The following ADIPOQ variants were observed in gnomAD, a reference collection of about 807,000 sequenced individuals.
The protein encoded by ADIPOQ is adiponectin.
A neutral mutation model predicts 16.1 loss-of-function variants in ADIPOQ; 19 were observed. The ratio of observed to expected loss-of-function variants is 1.18; its 90% CI spans 0.82 to 1.73. The LOEUF (loss-of-function observed/expected upper bound fraction) is 1.73, where lower values mean the gene tolerates loss of function less well. Among genes scored for constraint, ADIPOQ ranks in the 40% most tolerant of loss-of-function variants. The pLI is 0.00. For missense variants in ADIPOQ, 323 were observed against 308.3 expected, an observed-to-expected ratio of 1.05 and a Z score of -0.36; for synonymous variants, 124 against 125.5, an observed-to-expected ratio of 0.99 and a Z score of 0.08.
chr3:186,843,001 C>T lies in ADIPOQ; in HGVS notation c.-9+252C>T, dbSNP rs541051095. Among the ~76,000 whole-genome samples the T allele has an allele frequency of 2.3e-4, 35 of 152,278 alleles. 1 individual carries two copies. Among genetic ancestry groups the T allele is most frequent in the Middle Eastern group, 6.8e-3 (2 of 294 alleles). On this transcript the variant is annotated intron_variant, in intron 1 of 2. Coordinates refer to ENST00000320741, the MANE Select transcript of ADIPOQ (RefSeq NM_004797.4). The stretch of plus-strand genomic sequence containing the variant: ...GAACCATTCTGAATTTTGCCCAGTT[C>T]GCTCTGTAGCAGGATACCTATTGAG...
At position 186,853,189 on chromosome 3, in the gene ADIPOQ, C is replaced by T; in HGVS notation, c.131C>T (p.Pro44Leu). The change falls in exon 2 of 3, where the codon CCA becomes CTA. Residue 44 changes from proline (P) to leucine (L), a missense_variant. Physicochemically the swap from Pro to Leu is moderately conservative, Grantham distance 98. Transcript: ENST00000320741. ...TGCACAGGTTGGATGGCGGGCATCC[C>T]AGGGCATCCGGGCCATAATGGGGCC... ...GACTGWMAGIPGHPGHNGAPG... is the reference protein window; with the variant it reads ...GACTGWMAGILGHPGHNGAPG... The T allele has an allele frequency of 6.2e-7, 1 of 1,614,062 alleles. No homozygotes were observed. The highest frequency in any genetic ancestry group is 8.5e-7 in the Non-Finnish European group (1 of 1,179,976).
intron 1 of ADIPOQ, among the ~76,000 whole-genome samples, chr3:186,850,526 T>A (rs755449461): frequency 2.0e-5 from 3 of 152,104 alleles, no homozygotes; most frequent in Non-Finnish European, 4.4e-5. Flanking sequence ...TGGGAATCTG[T>A]CATAACAGAA....
intron 2 of ADIPOQ, 35 bp from the exon 3 acceptor site, chr3:186,854,149 T>C: frequency 6.2e-7 from 1 of 1,606,020 alleles, no homozygotes; most frequent in African/African-American, 1.3e-5. Context: ...AGGAGTTCTG[T>C]TCTTTGTAGT....
In ADIPOQ at chr3:186,853,204, A is replaced by G. The variant is rs1711852261; in HGVS notation, c.146A>G (p.His49Arg). ...GCGGGCATCCCAGGGCATCCGGGCC[A>G]TAATGGGGCCCCAGGCCGTGATGGC... Reference protein sequence around the residue: ...WMAGIPGHPGHNGAPGRDGRD... With the variant: ...WMAGIPGHPGRNGAPGRDGRD... The change falls in exon 2 of 3, where the codon CAT becomes CGT. Residue 49 changes from histidine (H) to arginine (R), a missense_variant. Transcript: ENST00000320741. 6.2e-7 allele frequency: 1 copy of G among 1,614,034 alleles called. No individual in the cohort carries two copies. The highest frequency in any genetic ancestry group is 8.5e-7 in the Non-Finnish European group (1 of 1,179,958).
At position 186,853,587 on chromosome 3, in the gene ADIPOQ, G is replaced by C. The variant is rs61038983; in HGVS notation, c.214+315G>C. Among the ~76,000 whole-genome samples, 9,225 of 152,034 alleles carry C rather than the reference G, an allele frequency of 0.061. 815 individuals carry two copies. The highest frequency in any genetic ancestry group is 0.2 in the African/African-American group (8,174 of 41,442). ...GTCTGCTTAACTTCCATTTCACCCA[G>C]TGGCATTCAACCACATTTACTGCAC... On this transcript the variant is annotated intron_variant, in intron 2 of 2. Transcript: ENST00000320741.
rs4686440 is a variant in ADIPOQ, at chr3:186,854,891, C to G, written c.*187C>G. The G allele has an allele frequency of 8.2e-6, 7 of 848,770 alleles. No homozygotes were observed. Among genetic ancestry groups the G allele is most frequent in the Admixed American group, 2.6e-5 (1 of 38,296 alleles). 52.6% of individuals were successfully genotyped at this position (848,770 alleles called of 1,614,324 possible). Reference sequence around the variant, plus strand: ...AAAATCATATGCTATGTTCCCAGTCCTGGGGAGCTTCACAAACATGACCAG... The same window carrying G: ...AAAATCATATGCTATGTTCCCAGTCGTGGGGAGCTTCACAAACATGACCAG... On this transcript the variant is annotated 3_prime_UTR_variant, in exon 3 of 3. Coordinates refer to ENST00000320741, the MANE Select transcript of ADIPOQ (RefSeq NM_004797.4).
At chr3:186,848,557 C>T (rs1199564359) in intron 1 of ADIPOQ, among the ~76,000 whole-genome samples, 9 of 152,152 alleles carry the variant, frequency 5.9e-5, no homozygotes, top group Non-Finnish European at 1.5e-5. Flanking sequence ...ATCCGCTAAA[C>T]GGGATTATGT....
chr3:186,849,159 C>T (rs1711667934), intron 1 of ADIPOQ, among the ~76,000 whole-genome samples: 1 of 152,176 alleles, frequency 6.6e-6, no homozygotes, highest in Admixed American at 6.5e-5. Flanking sequence ...TGGGGTAAGC[C>T]CCCCGTCACC....
intron 1 of ADIPOQ, among the ~76,000 whole-genome samples, chr3:186,843,660 C>A (rs1173526420): frequency 6.7e-3 from 849 of 126,548 alleles, no homozygotes; most frequent in Middle Eastern, 0.016. Context: ...GACTTTGTGT[C>A]AAAAAAAAAA....
At chr3:186,849,272 G>C (rs552238248) in intron 1 of ADIPOQ, among the ~76,000 whole-genome samples, 1 of 152,198 alleles carries the variant, frequency 6.6e-6, no homozygotes, top group Non-Finnish European at 1.5e-5. Context: ...AGAAAAACAT[G>C]CATGGAGCTC....
At position 186,848,391 on chromosome 3, in the gene ADIPOQ, T is replaced by TTA. The variant is rs565560797; in HGVS notation, c.-8-4652_-8-4651dup. Reference sequence around the variant, plus strand: ...TAGGTATTTTTATATGTTTGTCGTTTTATATATATGACCCCCACTTTAGAG... The same window carrying TTA: ...TAGGTATTTTTATATGTTTGTCGTTTTATATATATATGACCCCCACTTTAGAG... On this transcript the variant is annotated intron_variant, in intron 1 of 2. Coordinates refer to ENST00000320741, the MANE Select transcript of ADIPOQ (RefSeq NM_004797.4). Among the ~76,000 whole-genome samples, 533 of 152,020 alleles carry TTA rather than the reference T, an allele frequency of 3.5e-3. 4 individuals are homozygous for TTA. Among genetic ancestry groups the TTA allele is most frequent in the Non-Finnish European group, 6.2e-3 (419 of 67,912 alleles).
chr3:186,852,784 T>C lies in ADIPOQ; in HGVS notation c.-8-267T>C, dbSNP rs1418372088. ...CAGACATGGGAAAATTAGAGGAGTG[T>C]CATCTGTGCAATCACTGAATTCATA... On this transcript the variant is annotated intron_variant, in intron 1 of 2. Coordinates refer to ENST00000320741, the MANE Select transcript of ADIPOQ (RefSeq NM_004797.4). 2.0e-5 allele frequency: 9 copies of C among 452,180 alleles called. No homozygotes were observed. The South Asian group carries it at 2.0e-4, about 10-fold the overall frequency. 28.0% of individuals were successfully genotyped at this position (452,180 alleles called of 1,614,324 possible). A position where few individuals can be genotyped will look rare whatever the true frequency, so the allele number is the denominator to read the frequency against.
chr3:186,852,482 G>A, intron 1 of ADIPOQ: 1 of 155,602 alleles, frequency 6.4e-6, no homozygotes. Context: ...TTCTCTGTGT[G>A]TGTTTGTGTG....
intron 1 of ADIPOQ, chr3:186,851,964 C>T (rs1711781629): frequency 5.8e-6 from 1 of 171,426 alleles, no homozygotes; most frequent in African/African-American, 2.4e-5. Flanking sequence ...CCTCAGAAAA[C>T]TTACAATCAT....
rs1398548720 is a variant in ADIPOQ, at chr3:186,854,529, A to G, written c.560A>G (p.Asp187Gly). ...GACAAGGCTATGCTCTTCACCTATG[A>G]TCAGTACCAGGAAAATAATGTGGAC... ...KKDKAMLFTY[D>G]QYQENNVDQA... The change falls in exon 3 of 3, where the codon GAT becomes GGT. Residue 187 changes from aspartate (D) to glycine (G), a missense_variant. By Grantham distance (94) the Asp-to-Gly change is moderately conservative. Transcript: ENST00000320741. 5.6e-6 allele frequency: 9 copies of G among 1,614,204 alleles called. No homozygotes were observed. Among genetic ancestry groups the G allele is most frequent in the Non-Finnish European group, 7.6e-6 (9 of 1,180,036 alleles).
intron 1 of ADIPOQ, 125 bp from the exon 2 acceptor site, chr3:186,852,926 A>T: frequency 1.0e-6 from 1 of 969,336 alleles, no homozygotes; most frequent in Non-Finnish European, 1.5e-6. Context: ...GGAAAAGTTG[A>T]ATACTTAGAA....
At position 186,854,769 on chromosome 3, in the gene ADIPOQ, C is replaced by G. The variant is rs4068; in HGVS notation, c.*65C>G. 2 of 1,576,942 alleles carry G rather than the reference C, an allele frequency of 1.3e-6. No homozygotes were observed. The highest frequency in any genetic ancestry group is 1.7e-6 in the Non-Finnish European group (2 of 1,149,736). ...CAAAGTCAATTAAAGGCTTTCAGTACGGTTAGGAAGTTGATTATTATTTAG... is the reference window on the plus strand; with the variant it reads ...CAAAGTCAATTAAAGGCTTTCAGTAGGGTTAGGAAGTTGATTATTATTTAG... On this transcript the variant is annotated 3_prime_UTR_variant, in exon 3 of 3. Transcript: ENST00000320741.
intron 2 of ADIPOQ, 136 bp downstream of exon 2, chr3:186,853,408 G>T (rs1711862150): frequency 7.0e-6 from 8 of 1,136,508 alleles, no homozygotes; most frequent in Non-Finnish European, 1.0e-5. Flanking sequence ...GCAACCTGAA[G>T]TGATTTGGGG....
At position 186,848,227 on chromosome 3, in the gene ADIPOQ, AAAGAAG is replaced by A. The variant is rs764401710; in HGVS notation, c.-8-4823_-8-4818del. ...GAAGGAAGGAAGGAAGGAAGGAAGG[AAAGAAG>A]GAAGGAAGGAAGGAAAGAAGGAAGG... On this transcript the variant is annotated intron_variant, in intron 1 of 2. Coordinates refer to ENST00000320741, the MANE Select transcript of ADIPOQ (RefSeq NM_004797.4). Among the ~76,000 whole-genome samples the A allele has an allele frequency of 3.0e-3, 387 of 131,062 alleles. 1 individual carries two copies. Among genetic ancestry groups the A allele is most frequent in the South Asian group, 8.0e-3 (29 of 3,624 alleles). The allele number at this position is 131,062 out of a possible 152,430, so 86.0% of individuals were successfully genotyped here.
Sources: gnomAD v4.1 joint callset for allele counts (sites outside exome capture counted in the v4.1 genomes callset) on GRCh38, gnomAD v4.1.1 for gene constraint, MANE v1.5 for transcripts, NCBI Gene and HGNC (gene_info 2026-07-23, HGNC 2026-07-21) for gene names.